NDEL1: variants seen among roughly 807,000 people sequenced by gnomAD.
The protein encoded by NDEL1 is nudE neurodevelopment protein 1 like 1.
A neutral mutation model predicts 45.7 loss-of-function variants in NDEL1; 9 were observed. The ratio of observed to expected loss-of-function variants is 0.20; its 90% CI spans 0.12 to 0.34. NDEL1 has a LOEUF of 0.34. Among genes scored for constraint, NDEL1 ranks in the 10% least tolerant of loss-of-function variants. NDEL1 has a pLI of 1.00. For synonymous variants in NDEL1, 133 were observed against 158.6 expected, an observed-to-expected ratio of 0.84 and a Z score of 1.21; for missense variants, 306 against 406.2, an observed-to-expected ratio of 0.75 and a Z score of 2.12.
chr17:8,471,634 C>T (rs370959823), downstream of NDEL1, among the ~76,000 whole-genome samples: 4 of 152,306 alleles, frequency 2.6e-5, no homozygotes, highest in South Asian at 2.1e-4. Context: ...GGTTGAAGTC[C>T]GGGGCCACAC....
chr17:8,424,672 T>C (rs1908784151), intron 1 of NDEL1, among the ~76,000 whole-genome samples: 1 of 152,142 alleles, frequency 6.6e-6, no homozygotes, highest in South Asian at 2.1e-4. Flanking sequence ...TGGCTAATTT[T>C]TTTTTGTATT....
intron 8 of NDEL1, among the ~76,000 whole-genome samples, chr17:8,460,870 C>T (rs1315759716): frequency 2.0e-5 from 3 of 152,152 alleles, no homozygotes; most frequent in Non-Finnish European, 4.4e-5. Flanking sequence ...TTGCAGTGTG[C>T]CTATCATGAC....
chr17:8,417,346 G>C (rs996591034), intron 1 of NDEL1, among the ~76,000 whole-genome samples: 1 of 152,152 alleles, frequency 6.6e-6, no homozygotes, highest in Admixed American at 6.5e-5. Flanking sequence ...GGGATTACAG[G>C]CATGAGCCAC....
At chr17:8,461,532 C>CT (rs1911205421) in intron 8 of NDEL1, 1 of 152,208 alleles carries the variant, frequency 6.6e-6, no homozygotes, top group African/African-American at 2.4e-5. Context: ...GGCTTGCCGC[C>CT]GCGCCCAGCT....
rs79616509 is a variant in NDEL1, at chr17:8,473,182, G to A, written c.417+13022G>A. 9.4e-3 allele frequency among the ~76,000 whole-genome samples: 1,424 copies of A among 152,022 alleles called. 9 individuals are homozygous for A. The highest frequency in any genetic ancestry group is 0.016 in the Non-Finnish European group (1,106 of 67,968). On this transcript the variant is annotated intron_variant, in intron 3 of 3. Transcript: ENST00000581679. ...AACACCAGTTAGATCAGCCAGTAGG[G>A]AAGAATTCTTTTTTTTTTTGAGACG... is the stretch of plus-strand genomic sequence containing the variant.
At chr17:8,461,299 T>A (rs575288701) in intron 8 of NDEL1, 1 of 152,258 alleles carries the variant, frequency 6.6e-6, no homozygotes, top group Non-Finnish European at 1.5e-5. Context: ...TTGATCTCTG[T>A]CCCTGATTTT....
chr17:8,425,173 G>C (rs1908801284), intron 1 of NDEL1, among the ~76,000 whole-genome samples: 1 of 152,208 alleles, frequency 6.6e-6, no homozygotes, highest in African/African-American at 2.4e-5. Flanking sequence ...GTTTGATTAG[G>C]ATCAAGGCAG....
rs188629467 is a variant in NDEL1 at position 8,440,249 on chromosome 17, G to A, written c.-12-4011G>A. On this transcript the variant is annotated intron_variant, in intron 1 of 8. Coordinates refer to ENST00000334527, the MANE Select transcript of NDEL1 (RefSeq NM_030808.5). The stretch of plus-strand genomic sequence containing the variant: ...AATAAAGAATGTGACCAGGCGCGGT[G>A]GCTCATGCCTGTAATCCCAGCACTT... Among the ~76,000 whole-genome samples, 94 of 152,258 alleles carry A rather than the reference G, an allele frequency of 6.2e-4. 1 individual carries two copies. Among genetic ancestry groups the A allele is most frequent in the African/African-American group, 2.2e-3 (91 of 41,556 alleles).
chr17:8,462,571 C>T (rs750606354), intron 8 of NDEL1, among the ~76,000 whole-genome samples: 5 of 152,270 alleles, frequency 3.3e-5, no homozygotes, highest in Non-Finnish European at 5.9e-5. Context: ...TTCCCAGGTC[C>T]ATTATACACT....
chr17:8,456,841 C>T (rs891150623), intron 7 of NDEL1, among the ~76,000 whole-genome samples: 17 of 152,282 alleles, frequency 1.1e-4, no homozygotes, highest in African/African-American at 4.1e-4. Flanking sequence ...TCCCTTTCTT[C>T]CCCACCACAC....
chr17:8,433,099 C>CAAA (rs552822111), upstream of NDEL1, among the ~76,000 whole-genome samples: 1 of 135,904 alleles, frequency 7.4e-6, no homozygotes, highest in South Asian at 2.4e-4. Context: ...TACAATTCTT[C>CAAA]AAAAAAAAAA....
chr17:8,423,564 A>T (rs992898860), intron 1 of NDEL1, among the ~76,000 whole-genome samples: 2 of 152,118 alleles, frequency 1.3e-5, no homozygotes, highest in African/African-American at 4.8e-5. Context: ...CATTCCTGTA[A>T]TCCCACCTAT....
intron 1 of NDEL1, among the ~76,000 whole-genome samples, chr17:8,419,692 GA>G (rs1255675272): frequency 6.6e-6 from 1 of 151,980 alleles, no homozygotes; most frequent in African/African-American, 2.4e-5. Flanking sequence ...GGGGAAAAAG[GA>G]AAAAGGTAAA....
rs1040172374 is a variant in NDEL1, at chr17:8,447,983, G to T, written c.390-567G>T. On this transcript the variant is annotated intron_variant, in intron 4 of 8. Transcript: ENST00000334527. ...CCAGATTGGTTGCGGGGAGGTGGGC[G>T]GGGGGGGGGCAGTGGGGGAACCAAT... 7.0e-3 allele frequency among the ~76,000 whole-genome samples: 128 copies of T among 18,206 alleles called. No homozygotes were observed. In the East Asian group the frequency reaches 0.12, roughly 18 times the overall value. The allele number at this position is 18,206 out of a possible 152,430, so 11.9% of individuals were successfully genotyped here.
chr17:8,428,402 T>G (rs1908902771), intron 1 of NDEL1, among the ~76,000 whole-genome samples: 1 of 148,326 alleles, frequency 6.7e-6, no homozygotes, highest in African/African-American at 2.5e-5. Flanking sequence ...TCTCATTCTG[T>G]TGCCCAGGCT....
chr17:8,455,637 A>T (rs1212261614), intron 7 of NDEL1, among the ~76,000 whole-genome samples: 1 of 148,822 alleles, frequency 6.7e-6, no homozygotes, highest in Admixed American at 6.8e-5. Context: ...CAGTGAGCCG[A>T]GATCGAGCCA....
intron 1 of NDEL1, among the ~76,000 whole-genome samples, chr17:8,426,613 G>C (rs769199687): frequency 3.9e-5 from 6 of 152,134 alleles, no homozygotes; most frequent in African/African-American, 9.7e-5. Context: ...GTCGGGATGA[G>C]AGCCAAGGAT....
At chr17:8,428,327 T>G (rs11078746) in intron 1 of NDEL1, among the ~76,000 whole-genome samples, 21,149 of 50,942 alleles carry the variant, frequency 0.42, 3,436 homozygotes, top group Non-Finnish European at 0.46. Flanking sequence ...GTGTGTGGTG[T>G]GTGTGTGTGT....
intron 1 of NDEL1, among the ~76,000 whole-genome samples, chr17:8,441,162 A>C (rs1909707760): frequency 6.6e-6 from 1 of 152,228 alleles, no homozygotes; most frequent in Admixed American, 6.5e-5. Context: ...TCAGTACAGA[A>C]GCAGCACTAG....
Sources: gnomAD v4.1 joint callset for allele counts (sites outside exome capture counted in the v4.1 genomes callset) on GRCh38, gnomAD v4.1.1 for gene constraint, MANE v1.5 for transcripts, NCBI Gene and HGNC (gene_info 2026-07-23, HGNC 2026-07-21) for gene names.